The following NF1 variants were observed in gnomAD, a reference collection of about 807,000 sequenced individuals.
NF1 encodes neurofibromin.
Under a neutral mutation model 325.7 loss-of-function variants are expected in NF1, and 122 were observed. That is an observed-to-expected ratio of 0.37 (90% CI 0.32 to 0.44). NF1 has a LOEUF of 0.44. NF1 is among the 20% of genes least tolerant of loss of function. The probability of loss-of-function intolerance (pLI) is 1.00; values close to 1 mark genes in which losing one functional copy is unlikely to be tolerated. For missense variants in NF1, 2,140 were observed against 3,415.4 expected (o/e 0.63, Z 9.31); for synonymous variants, 1,091 against 1,186.0 (o/e 0.92, Z 1.65).
chr17:31,121,137 G>GCCTA (rs1346747789), intron 1 of NF1, among the ~76,000 whole-genome samples: 1 of 152,012 alleles, frequency 6.6e-6, no homozygotes, highest in East Asian at 1.9e-4. Flanking sequence ...GCACCTAACA[G>GCCTA]CCTAATTCAC....
intron 1 of NF1, among the ~76,000 whole-genome samples, chr17:31,148,531 G>A (rs1016093998): frequency 2.0e-5 from 3 of 151,872 alleles, no homozygotes; most frequent in African/African-American, 7.3e-5. Flanking sequence ...TCATTACTAT[G>A]GGATTGGTCA....
At chr17:31,201,389 T>C (rs748586665) in intron 10 of NF1, 22 bp from the exon 11 acceptor site, 5 of 1,445,436 alleles carry the variant, frequency 3.5e-6, no homozygotes, top group South Asian at 1.2e-5. Flanking sequence ...AATAATCTGC[T>C]TTTTTTTTTC....
intron 29 of NF1, among the ~76,000 whole-genome samples, chr17:31,239,241 A>G (rs1023530128): frequency 1.3e-5 from 2 of 152,232 alleles, no homozygotes; most frequent in African/African-American, 2.4e-5. Flanking sequence ...GAAATTAAGA[A>G]AGAATCAAAA....
At chr17:31,230,408 G>C (rs776821161) in intron 23 of NF1, 26 bp downstream of exon 23, 26 of 1,612,426 alleles carry the variant, frequency 1.6e-5, no homozygotes, top group Non-Finnish European at 1.5e-5. Flanking sequence ...AGCAATGTAG[G>C]GTCTTGTAAA....
At chr17:31,193,897 G>A (rs908554921) in intron 8 of NF1, among the ~76,000 whole-genome samples, 12 of 152,204 alleles carry the variant, frequency 7.9e-5, no homozygotes, top group African/African-American at 2.9e-4. Flanking sequence ...GCAAATGCTG[G>A]CAAAGGTGTG....
At chr17:31,239,888 C>G (rs998680227) in intron 29 of NF1, among the ~76,000 whole-genome samples, 1 of 152,096 alleles carries the variant, frequency 6.6e-6, no homozygotes, top group Admixed American at 6.6e-5. Flanking sequence ...CTCAGCCTCC[C>G]GAGTAGCTGG....
At position 31,235,636 on chromosome 17, in the gene NF1, C is replaced by G. The variant is rs1363534157; in HGVS notation, c.3734C>G (p.Thr1245Ser). 1 of 1,614,084 alleles carries G rather than the reference C, an allele frequency of 6.2e-7. No homozygotes were observed. The highest frequency in any genetic ancestry group is 1.1e-5 in the South Asian group (1 of 91,080). The change falls in exon 28 of 58, where the codon ACT (threonine) becomes AGT (serine). Residue 1245 changes from threonine to serine, a missense_variant. Physicochemically the swap from Thr to Ser is moderately conservative, Grantham distance 58. Transcript: ENST00000358273. ...QWDELARVLV[T>S]LFDSRHLLYQ... is the part of the protein sequence containing the mutation. ...GATGAACTAGCTCGAGTTCTGGTTACTCTGTTTGATTCTCGGCATTTACTC... is the reference window on the plus strand; with the variant it reads ...GATGAACTAGCTCGAGTTCTGGTTAGTCTGTTTGATTCTCGGCATTTACTC...
In NF1 at chr17:31,340,613, A is replaced by G. The variant is rs1555535189; in HGVS notation, c.7030A>G (p.Thr2344Ala). 11 of 1,614,116 alleles carry G rather than the reference A, an allele frequency of 6.8e-6. No individual in the cohort carries two copies. The highest frequency in any genetic ancestry group is 9.3e-6 in the Non-Finnish European group (11 of 1,180,010). ...GTALLEQNLH[T>A]LDSLRIFNDK... ...CGCACTTCTTGAACAAAACCTGCAT[A>G]CTTTAGATAGTCTCCGTATATTCAA... The change falls in exon 47 of 58, where the codon ACT becomes GCT. Residue 2344 changes from threonine (T) to alanine (A), a missense_variant. Around this residue, in one of 10 missense-constraint regions of NF1, gnomAD observed 522 missense variants for 749.0 expected, o/e 0.70. Transcript: ENST00000358273.
intron 11 of NF1, among the ~76,000 whole-genome samples, chr17:31,204,268 A>G (rs2066581812): frequency 6.6e-6 from 1 of 152,118 alleles, no homozygotes; most frequent in Admixed American, 6.5e-5. Context: ...TGGATAGTTC[A>G]CATACTGAAA....
At chr17:31,333,952 A>C (rs1393604024) in intron 39 of NF1, among the ~76,000 whole-genome samples, 1 of 152,190 alleles carries the variant, frequency 6.6e-6, no homozygotes, top group Non-Finnish European at 1.5e-5. Context: ...TTTTCAAGTA[A>C]GTTTAAAAGA....
Position 31,296,749 on chromosome 17 carries a change from CTTTT to C in NF1, c.4836-29064_4836-29061del, listed in dbSNP as rs965452812. The C allele has an allele frequency of 1.5e-5, 3 of 202,168 alleles. No individual in the cohort carries two copies. In the Admixed American group the frequency reaches 1.7e-4, roughly 11 times the overall value. 12.5% of individuals were successfully genotyped at this position (202,168 alleles called of 1,614,324 possible). On this transcript the variant is annotated intron_variant, in intron 36 of 57. Coordinates refer to ENST00000358273, the MANE Select transcript of NF1 (RefSeq NM_001042492.3). ...AGATGAGAAAAAATGGCTGTCGTGT[CTTTT>C]TTTTTTAATCTCTGCAGTAATGTAA...
At chr17:31,367,349 G>A in intron 57 of NF1, 2 of 1,029,356 alleles carry the variant, frequency 1.9e-6, no homozygotes, top group Non-Finnish European at 2.7e-6. Flanking sequence ...CACATAGCAT[G>A]AGACTTTACT....
At chr17:31,219,737 C>T (rs1228785568) in intron 14 of NF1, among the ~76,000 whole-genome samples, 1 of 151,456 alleles carries the variant, frequency 6.6e-6, no homozygotes, top group Non-Finnish European at 1.5e-5. Context: ...CCCATTCCCT[C>T]ATCCCTACCA....
At chr17:31,360,348 C>T in intron 56 of NF1, 139 bp from the exon 57 acceptor site, 1 of 725,822 alleles carries the variant, frequency 1.4e-6, no homozygotes, top group South Asian at 1.6e-5. Context: ...AATATTACTC[C>T]ACTCCCCTTT....
chr17:31,095,539 G>A (rs1598174371), intron 1 of NF1, 170 bp downstream of exon 1: 1 of 666,780 alleles, frequency 1.5e-6, no homozygotes, highest in East Asian at 2.9e-5. Flanking sequence ...CAAGGCGGGA[G>A]GTGAGGGGTA....
chr17:31,284,375 C>T (rs892877426), intron 36 of NF1, among the ~76,000 whole-genome samples: 1 of 152,060 alleles, frequency 6.6e-6, no homozygotes, highest in African/African-American at 2.4e-5. Context: ...CTCCGCCCCC[C>T]AGGTTCAAGA....
chr17:31,178,126 G>A (rs1597654232), intron 5 of NF1, among the ~76,000 whole-genome samples: 2 of 152,046 alleles, frequency 1.3e-5, no homozygotes, highest in East Asian at 1.9e-4. Flanking sequence ...GAGAAAGGTC[G>A]GGTTACCCAC....
intron 35 of NF1, among the ~76,000 whole-genome samples, chr17:31,263,551 C>T (rs1460116874): frequency 6.6e-6 from 1 of 150,878 alleles, no homozygotes; most frequent in African/African-American, 2.4e-5. Context: ...TCACTGAGGA[C>T]ATCCTAGCCA....
chr17:31,146,191 CT>C (rs986441475), intron 1 of NF1, among the ~76,000 whole-genome samples: 1 of 152,076 alleles, frequency 6.6e-6, no homozygotes, highest in African/African-American at 2.4e-5. Context: ...TTATCTGAGG[CT>C]TGGGGTTCTC....
Sources: gnomAD v4.1 joint callset for allele counts (sites outside exome capture counted in the v4.1 genomes callset) on GRCh38, gnomAD v4.1.1 for gene constraint, gnomAD v4.1.1 regional missense constraint, MANE v1.5 for transcripts, NCBI Gene and HGNC (gene_info 2026-07-23, HGNC 2026-07-21) for gene names.